Variants in SH2D3C observed in about 807,000 individuals in gnomAD.
SH2D3C encodes the protein SH2 domain containing 3C.
In SH2D3C, 25 loss-of-function variants were observed where a neutral mutation model predicts 75.2. The ratio of observed to expected loss-of-function variants is 0.33; its 90% CI spans 0.24 to 0.46. SH2D3C has a LOEUF of 0.46. Among genes scored for constraint, SH2D3C ranks in the 20% least tolerant of loss-of-function variants. The probability of loss-of-function intolerance (pLI) is 1.00; values close to 1 mark genes in which losing one functional copy is unlikely to be tolerated. For missense variants in SH2D3C, 933 were observed against 1,165.3 expected (o/e 0.80, Z 2.90); for synonymous variants, 450 against 473.7 (o/e 0.95, Z 0.65).
intron 6 of SH2D3C, among the ~76,000 whole-genome samples, chr9:127,745,387 C>G (rs1386980944): frequency 6.6e-6 from 1 of 150,916 alleles, no homozygotes. Context: ...TCCGGGGAAG[C>G]TGAGTACCTG....
chr9:127,741,821 G>A lies in SH2D3C; in HGVS notation c.2055C>T (p.Phe685=). 1 of 1,613,386 alleles carries A rather than the reference G, an allele frequency of 6.2e-7. No individual in the cohort carries two copies. The highest frequency in any genetic ancestry group is 8.5e-7 in the Non-Finnish European group (1 of 1,180,024). ...LRGTMGNMFS[F]AAVMGALDMA... is the part of the protein sequence containing the mutation. Reference sequence around the variant, plus strand: ...TGTCCAGGGCACCCATGACCGCCGCGAAGCTGAACATGTTGCCCATAGTCC... The same window carrying A: ...TGTCCAGGGCACCCATGACCGCCGCAAAGCTGAACATGTTGCCCATAGTCC... The change falls in exon 9 of 12, where the codon TTC becomes TTT. Residue 685 remains phenylalanine (F), a synonymous_variant. Coordinates refer to ENST00000314830, the MANE Select transcript of SH2D3C (RefSeq NM_170600.3).
chr9:127,765,824 A>C (rs1845622436), intron 2 of SH2D3C, among the ~76,000 whole-genome samples: 1 of 152,158 alleles, frequency 6.6e-6, no homozygotes, highest in African/African-American at 2.4e-5. Context: ...TTACAAACCT[A>C]AAAGAGACTT....
At chr9:127,762,000 C>T (rs1430898515) in intron 2 of SH2D3C, 4 of 297,522 alleles carry the variant, frequency 1.3e-5, no homozygotes, top group African/African-American at 2.2e-5. Flanking sequence ...CCAGACACCA[C>T]GCCTCCCTGG....
At position 127,754,870 on chromosome 9, in the gene SH2D3C, C is replaced by T. The variant is rs1157180630; in HGVS notation, c.556-3570G>A. On this transcript the variant is annotated intron_variant, in intron 3 of 11. Coordinates refer to ENST00000314830, the MANE Select transcript of SH2D3C (RefSeq NM_170600.3). The surrounding 1 kb of genome is among the most constrained non-coding windows in gnomAD (Gnocchi z 4.4). ...CCGCAGCCCAGAGTCCCAGGAGTGG[C>T]CGCCGAACCCTCACCCCGCGGAGCG... 2 of 502,360 alleles carry T rather than the reference C, an allele frequency of 4.0e-6. No homozygotes were observed. Among genetic ancestry groups the T allele is most frequent in the Non-Finnish European group, 8.1e-6 (2 of 248,230 alleles). 31.1% of individuals were successfully genotyped at this position (502,360 alleles called of 1,614,324 possible).
Position 127,741,925 on chromosome 9 carries a change from T to C in SH2D3C, c.1951A>G (p.Ile651Val), listed in dbSNP as rs767250604. 3 of 1,612,754 alleles carry C rather than the reference T, an allele frequency of 1.9e-6. 1 individual carries two copies. The South Asian group carries it at 3.3e-5, about 18-fold the overall frequency. Residue 651 changes from isoleucine (I) to valine (V), a missense_variant, in exon 9 of 12, where the codon ATC (isoleucine) becomes GTC (valine). By Grantham distance (29) the Ile-to-Val change is conservative. Transcript: ENST00000314830. ...TCCGCAGAGCCGGTGCAGCCCAGGA[T>C]GTCCACGGCCAGCATGATGGACATG... The part of the protein sequence containing the change: ...HTMSIMLAVD[I>V]LGCTGSAEER...
chr9:127,742,891 G>T lies in SH2D3C; in HGVS notation c.1874C>A (p.Thr625Asn). Residue 625 changes from threonine (T) to asparagine (N), a missense_variant, in exon 8 of 12, where the codon ACC becomes AAC. Coordinates refer to ENST00000314830, the MANE Select transcript of SH2D3C (RefSeq NM_170600.3). ...GCGTAGCTGCCGGCCATGGGGGAGGGTGAGCAGTTCCATGCCCCAGCGGAC... is the reference window on the plus strand; with the variant it reads ...GCGTAGCTGCCGGCCATGGGGGAGGTTGAGCAGTTCCATGCCCCAGCGGAC... The part of the protein sequence containing the change: ...MGVRWGMELL[T>N]LPHGRQLRLD... 1 of 1,613,930 alleles carries T rather than the reference G, an allele frequency of 6.2e-7. No homozygotes were observed. The highest frequency in any genetic ancestry group is 8.5e-7 in the Non-Finnish European group (1 of 1,179,916).
At chr9:127,742,816 C>A (rs1373828064) in intron 8 of SH2D3C, 33 bp downstream of exon 8, 2 of 1,544,242 alleles carry the variant, frequency 1.3e-6, no homozygotes, top group Admixed American at 1.8e-5. Context: ...CCGGGGGTTC[C>A]CCGCGAGTCC....
At chr9:127,769,492 C>T (rs1176290815) in intron 2 of SH2D3C, among the ~76,000 whole-genome samples, 2 of 151,178 alleles carry the variant, frequency 1.3e-5, no homozygotes, top group African/African-American at 2.5e-5. Flanking sequence ...AAAACACACA[C>T]ACACACACAC....
At chr9:127,756,229 G>A (rs917508788) in intron 3 of SH2D3C, among the ~76,000 whole-genome samples, 6 of 152,308 alleles carry the variant, frequency 3.9e-5, no homozygotes, top group African/African-American at 9.6e-5. Context: ...TTGAACCCAG[G>A]AGGCGGAGGT....
At chr9:127,770,146 CT>C (rs1845707107) in intron 2 of SH2D3C, among the ~76,000 whole-genome samples, 2 of 152,036 alleles carry the variant, frequency 1.3e-5, no homozygotes, top group South Asian at 2.1e-4. Context: ...TGGTGCTTTC[CT>C]TTTTTAGCCA....
chr9:127,752,587 A>T (rs1845232204), intron 3 of SH2D3C, among the ~76,000 whole-genome samples: 1 of 152,158 alleles, frequency 6.6e-6, no homozygotes, highest in Non-Finnish European at 1.5e-5. Flanking sequence ...GACTATCCAC[A>T]GATCTCGCCT....
At chr9:127,756,838 G>A (rs568226302) in intron 3 of SH2D3C, among the ~76,000 whole-genome samples, 6 of 151,806 alleles carry the variant, frequency 4.0e-5, no homozygotes, top group South Asian at 2.1e-4. Context: ...TAGAGACAGG[G>A]TTTCACCGTG....
chr9:127,776,128 CA>C (rs1180101365), intron 1 of SH2D3C, among the ~76,000 whole-genome samples: 1 of 152,110 alleles, frequency 6.6e-6, no homozygotes, highest in Non-Finnish European at 1.5e-5. Context: ...CGTGCCTGGC[CA>C]CTAATAATAA....
In SH2D3C at chr9:127,739,641, C is replaced by T. The variant is rs369908578; in HGVS notation, c.2407+41G>A. The T allele has an allele frequency of 3.8e-6, 6 of 1,560,180 alleles. No homozygotes were observed. The highest frequency in any genetic ancestry group is 5.2e-6 in the Non-Finnish European group (6 of 1,145,602). ...AAGCAGTGAGGCAGGTGGAGGGAGG[C>T]CCAGGCCTGCAAGCCCCCCAAGATG... On this transcript the variant is annotated intron_variant, in intron 11 of 11. Coordinates refer to ENST00000314830, the MANE Select transcript of SH2D3C (RefSeq NM_170600.3). This position sits in a 1 kb window ranked among gnomAD's most constrained non-coding sequence, Gnocchi z 4.3.
At position 127,754,893 on chromosome 9, in the gene SH2D3C, G is replaced by A. The variant is rs2131772790; in HGVS notation, c.556-3593C>T. 5.9e-6 allele frequency: 3 copies of A among 509,744 alleles called. No homozygotes were observed. The Admixed American group carries it at 6.9e-5, about 12-fold the overall frequency. The allele number at this position is 509,744 out of a possible 1,614,324, so 31.6% of individuals were successfully genotyped here. A position where few individuals can be genotyped will look rare whatever the true frequency, so the allele number is the denominator to read the frequency against. On this transcript the variant is annotated intron_variant, in intron 3 of 11. Transcript: ENST00000314830. The surrounding 1 kb of genome is among the most constrained non-coding windows in gnomAD (Gnocchi z 4.4). ...GGCCGCCGAACCCTCACCCCGCGGA[G>A]CGCCTGGGCGCCCAGAGGTGAGGCT...
chr9:127,741,767 G>A (rs1564409367), intron 9 of SH2D3C, 21 bp downstream of exon 9: 6 of 1,610,500 alleles, frequency 3.7e-6, no homozygotes, highest in Non-Finnish European at 5.1e-6. Context: ...CCGGGTGCCA[G>A]CTCTGCGCGG....
chr9:127,743,018 A>T (rs1169624535), intron 7 of SH2D3C, 54 bp from the exon 8 acceptor site: 2 of 1,386,408 alleles, frequency 1.4e-6, no homozygotes, highest in African/African-American at 2.9e-5. Flanking sequence ...GGCCCCAGCC[A>T]TCTGGGAGTC....
At chr9:127,777,954 A>AC (rs896175734) in intron 1 of SH2D3C, among the ~76,000 whole-genome samples, 8 of 128,678 alleles carry the variant, frequency 6.2e-5, no homozygotes, top group African/African-American at 1.8e-4. Context: ...CCCGGTCTCT[A>AC]AAAAAAAAAA....
rs1351105195 is a variant in SH2D3C, at chr9:127,745,025, T to C, written c.1339A>G (p.Ser447Gly). ...CTTCCGGGACACAGCTGGGGCTCAC[T>C]GGAACGGCGGGCGACAGGGGAGGCA... is the stretch of plus-strand genomic sequence containing the variant. ...LPASPVARRS[S>G]EPQLCPGSAP... Residue 447 changes from serine (S) to glycine (G), a missense_variant, in exon 7 of 12, where the codon AGT becomes GGT. Ser to Gly is a moderately conservative substitution (Grantham distance 56). Coordinates refer to ENST00000314830, the MANE Select transcript of SH2D3C (RefSeq NM_170600.3). The C allele has an allele frequency of 2.0e-6, 3 of 1,512,174 alleles. No homozygotes were observed. The Admixed American group carries it at 6.8e-5, about 34-fold the overall frequency. 93.7% of individuals were successfully genotyped at this position (1,512,174 alleles called of 1,614,324 possible). A position where few individuals can be genotyped will look rare whatever the true frequency, so the allele number is the denominator to read the frequency against.
Sources: gnomAD v4.1 joint callset for allele counts (sites outside exome capture counted in the v4.1 genomes callset) on GRCh38, gnomAD v4.1.1 for gene constraint, Gnocchi (gnomAD v3.1) non-coding constraint, MANE v1.5 for transcripts, NCBI Gene and HGNC (gene_info 2026-07-23, HGNC 2026-07-21) for gene names.